ADAMTS19: variants seen among roughly 807,000 people sequenced by gnomAD.
The protein encoded by ADAMTS19 is A disintegrin and metalloproteinase with thrombospondin motifs 19.
ADAMTS19 carries 93 observed loss-of-function variants against 153.3 expected under a neutral mutation model. That is an observed-to-expected ratio of 0.61 (90% CI 0.51 to 0.72). The LOEUF (loss-of-function observed/expected upper bound fraction) is 0.72, where lower values mean the gene tolerates loss of function less well. Among genes scored for constraint, ADAMTS19 ranks in the 30% least tolerant of loss-of-function variants. ADAMTS19 has a pLI of 0.00. For missense variants in ADAMTS19, 1,482 were observed against 1,552.1 expected (o/e 0.95, Z 0.76); for synonymous variants, 600 against 556.6 (o/e 1.08, Z -1.10).
intron 16 of ADAMTS19, among the ~76,000 whole-genome samples, chr5:129,676,140 G>T (rs1053949774): frequency 6.6e-6 from 1 of 152,052 alleles, no homozygotes; most frequent in African/African-American, 2.4e-5. Context: ...ATTATGATAG[G>T]TTGCAATCCC....
intron 6 of ADAMTS19, among the ~76,000 whole-genome samples, chr5:129,540,851 G>A (rs1047841299): frequency 2.0e-5 from 3 of 151,988 alleles, no homozygotes; most frequent in African/African-American, 4.8e-5. Context: ...AAGTCTAACA[G>A]TGTCATTTCT....
At chr5:129,538,131 A>C (rs1220799039) in intron 6 of ADAMTS19, among the ~76,000 whole-genome samples, 1 of 152,060 alleles carries the variant, frequency 6.6e-6, no homozygotes, top group Non-Finnish European at 1.5e-5. Context: ...AAAGAAGACG[A>C]TAATCATAAT....
At chr5:129,603,319 T>A (rs559724124) in intron 8 of ADAMTS19, among the ~76,000 whole-genome samples, 1 of 152,316 alleles carries the variant, frequency 6.6e-6, no homozygotes, top group African/African-American at 2.4e-5. Flanking sequence ...ACTTGCATAT[T>A]TTTGTCCTTT....
chr5:129,502,311 G>A (rs531165041), intron 2 of ADAMTS19, among the ~76,000 whole-genome samples: 1 of 152,220 alleles, frequency 6.6e-6, no homozygotes, highest in East Asian at 1.9e-4. Flanking sequence ...GGACTAGAAT[G>A]TAAGTAAAAA....
intron 11 of ADAMTS19, among the ~76,000 whole-genome samples, chr5:129,643,557 A>T (rs77178737): frequency 6.6e-6 from 1 of 152,140 alleles, no homozygotes; most frequent in East Asian, 1.9e-4. Flanking sequence ...GCATGCAGTG[A>T]TTTATTACTT....
rs1235116462 is a variant in ADAMTS19, at chr5:129,608,114, G to GTATA, written c.1478+11451_1478+11452insATAT. Among the ~76,000 whole-genome samples the GTATA allele has an allele frequency of 4.8e-3, 138 of 28,732 alleles. 5 individuals are homozygous for GTATA. The highest frequency in any genetic ancestry group is 9.2e-3 in the African/African-American group (135 of 14,644). The allele number at this position is 28,732 out of a possible 152,430, so 18.8% of individuals were successfully genotyped here. A position where few individuals can be genotyped will look rare whatever the true frequency, so the allele number is the denominator to read the frequency against. On this transcript the variant is annotated intron_variant, in intron 8 of 22. Transcript: ENST00000274487. ...TATGTGTGTGTGTGTGTGTGTGTGTGTGTATATATATATATATATATATAT... is the reference window on the plus strand; with the variant it reads ...TATGTGTGTGTGTGTGTGTGTGTGTGTATATGTATATATATATATATATATATAT...
chr5:129,556,968 A>G (rs1753335913), intron 7 of ADAMTS19, among the ~76,000 whole-genome samples: 1 of 152,190 alleles, frequency 6.6e-6, no homozygotes, highest in African/African-American at 2.4e-5. Context: ...AATTTGCAAT[A>G]TTACAAGCAG....
chr5:129,511,013 TTTAAAAA>T (rs1751424565), intron 3 of ADAMTS19, among the ~76,000 whole-genome samples: 1 of 151,722 alleles, frequency 6.6e-6, no homozygotes. Context: ...GGCTCAGAAT[TTTAAAAA>T]TCATTTAAAA....
chr5:129,657,356 T>G (rs949618088), intron 14 of ADAMTS19, among the ~76,000 whole-genome samples: 10 of 152,168 alleles, frequency 6.6e-5, no homozygotes, highest in African/African-American at 2.4e-4. Context: ...TTTAATATTT[T>G]AAAATTTCCT....
chr5:129,475,537 A>G (rs550727261), intron 2 of ADAMTS19, among the ~76,000 whole-genome samples: 3 of 152,128 alleles, frequency 2.0e-5, no homozygotes, highest in Non-Finnish European at 2.9e-5. Flanking sequence ...TCTCTTTTCA[A>G]AATTGTTGTG....
chr5:129,709,471 T>G (rs889075016), intron 21 of ADAMTS19, among the ~76,000 whole-genome samples: 1 of 152,164 alleles, frequency 6.6e-6, no homozygotes, highest in Non-Finnish European at 1.5e-5. Context: ...TATATTGTCA[T>G]AGGAATCTGT....
intron 13 of ADAMTS19, among the ~76,000 whole-genome samples, chr5:129,650,075 T>G (rs1219915804): frequency 6.6e-6 from 1 of 152,050 alleles, no homozygotes; most frequent in Non-Finnish European, 1.5e-5. Flanking sequence ...TCCCAGCTAC[T>G]CAGGAGGCTG....
At chr5:129,559,145 CAA>C (rs765924676) in intron 7 of ADAMTS19, among the ~76,000 whole-genome samples, 1 of 151,896 alleles carries the variant, frequency 6.6e-6, no homozygotes, top group South Asian at 2.1e-4. Flanking sequence ...ATAAATAAGA[CAA>C]TGACTAATTT....
At chr5:129,688,835 A>G (rs1376968451) in intron 18 of ADAMTS19, among the ~76,000 whole-genome samples, 3 of 152,202 alleles carry the variant, frequency 2.0e-5, no homozygotes, top group Admixed American at 2.0e-4. Flanking sequence ...AGAAATGTTC[A>G]CTTTGCGTTA....
intron 3 of ADAMTS19, among the ~76,000 whole-genome samples, 183 bp from the exon 4 acceptor site, chr5:129,526,101 C>G (rs531145221): frequency 6.6e-6 from 1 of 152,056 alleles, no homozygotes; most frequent in Non-Finnish European, 1.5e-5. Flanking sequence ...GCTAAAATGG[C>G]AGAACTAATA....
intron 7 of ADAMTS19, among the ~76,000 whole-genome samples, chr5:129,557,482 C>T (rs2126834870): frequency 6.6e-6 from 1 of 152,176 alleles, no homozygotes; most frequent in South Asian, 2.1e-4. Flanking sequence ...CACCTGTAAT[C>T]CCAGCTACTT....
At chr5:129,686,381 G>T (rs978923751) in intron 18 of ADAMTS19, among the ~76,000 whole-genome samples, 3 of 152,084 alleles carry the variant, frequency 2.0e-5, no homozygotes, top group Non-Finnish European at 4.4e-5. Context: ...GTCTTGAGGG[G>T]TTAAAGAATT....
chr5:129,602,173 A>G (rs2126932459), intron 8 of ADAMTS19, among the ~76,000 whole-genome samples: 1 of 152,044 alleles, frequency 6.6e-6, no homozygotes, highest in African/African-American at 2.4e-5. Context: ...GCTCACCGCA[A>G]CCTCTGCCTC....
intron 12 of ADAMTS19, among the ~76,000 whole-genome samples, 157 bp from the exon 13 acceptor site, chr5:129,648,641 A>G (rs1375412960): frequency 1.3e-5 from 2 of 152,146 alleles, no homozygotes; most frequent in Non-Finnish European, 2.9e-5. Context: ...AGAAATAAAT[A>G]TATGAATTTG....
Sources: allele counts gnomAD v4.1 joint callset (sites outside exome capture counted in the v4.1 genomes callset), GRCh38; gene constraint gnomAD v4.1.1; transcripts MANE v1.5; gene names NCBI Gene and HGNC (gene_info 2026-07-23, HGNC 2026-07-21).